PDXDC1: variants seen among roughly 807,000 people sequenced by gnomAD.
The protein encoded by PDXDC1 is pyridoxal-dependent decarboxylase domain-containing protein 1.
In PDXDC1, 42 loss-of-function variants were observed where a neutral mutation model predicts 100.1. The ratio of observed to expected loss-of-function variants is 0.42; its 90% CI spans 0.33 to 0.54. PDXDC1 has a LOEUF of 0.54. Among genes scored for constraint, PDXDC1 ranks in the 20% least tolerant of loss-of-function variants. The probability of loss-of-function intolerance (pLI) is 0.10; values close to 1 mark genes in which losing one functional copy is unlikely to be tolerated. For missense variants in PDXDC1, 636 were observed against 979.2 expected (o/e 0.65, Z 4.68); for synonymous variants, 260 against 371.7 (o/e 0.70, Z 3.46).
rs993072976 is a variant in PDXDC1 at position 15,094,366 on chromosome 16, T to G, written c.1400-44513T>G. ...AGCGGCCCCGCGTGGGGAGGGCGTATGCTCTCGGCGGGCTAGAGCGCCGCT... is the reference window on the plus strand; with the variant it reads ...AGCGGCCCCGCGTGGGGAGGGCGTAGGCTCTCGGCGGGCTAGAGCGCCGCT... On this transcript the variant is annotated intron_variant, in intron 16 of 16. Transcript: ENST00000535621. 21 of 811,664 alleles carry G rather than the reference T, an allele frequency of 2.6e-5. 1 individual carries two copies. Among genetic ancestry groups the G allele is most frequent in the Middle Eastern group, 3.5e-4 (1 of 2,860 alleles). 50.3% of individuals were successfully genotyped at this position (811,664 alleles called of 1,614,324 possible). A position where few individuals can be genotyped will look rare whatever the true frequency, so the allele number is the denominator to read the frequency against.
intron 16 of PDXDC1, chr16:15,133,055 G>T: frequency 2.8e-6 from 2 of 712,424 alleles, no homozygotes; most frequent in Non-Finnish European, 4.6e-6. Context: ...GCCCTCCTGG[G>T]CGGGGGCTGC....
intron 16 of PDXDC1, among the ~76,000 whole-genome samples, chr16:15,064,161 T>A (rs2044849508): frequency 6.6e-6 from 1 of 151,914 alleles, no homozygotes; most frequent in Non-Finnish European, 1.5e-5. Flanking sequence ...TCTAGATAAA[T>A]CGCTTTTTGT....
chr16:15,083,357 C>T (rs1269909032), intron 16 of PDXDC1, among the ~76,000 whole-genome samples: 1 of 151,982 alleles, frequency 6.6e-6, no homozygotes, highest in Admixed American at 6.6e-5. Context: ...CAAGATGACG[C>T]CATTGCACTC....
At chr16:15,140,836 G>A (rs67111616), downstream of PDXDC1, among the ~76,000 whole-genome samples, 5 of 152,004 alleles carry the variant, frequency 3.3e-5, no homozygotes, top group Non-Finnish European at 7.4e-5. Flanking sequence ...CACAGGGACT[G>A]TGGCTCCGCA....
chr16:15,077,368 G>C (rs1373587723), intron 16 of PDXDC1, among the ~76,000 whole-genome samples: 7 of 152,028 alleles, frequency 4.6e-5, no homozygotes, highest in Non-Finnish European at 1.0e-4. Context: ...CATAGGGTAG[G>C]TTTCCCCCAT....
intron 16 of PDXDC1, chr16:15,133,313 G>C (rs150678356): frequency 0.058 from 89,744 of 1,548,126 alleles, 5,692 homozygotes; most frequent in East Asian, 0.36. Flanking sequence ...GACGTGCTGG[G>C]GATCGGCCTG....
intron 6 of PDXDC1, 108 bp downstream of exon 6, chr16:15,006,691 A>C (rs2040809500): frequency 8.9e-7 from 1 of 1,120,804 alleles, no homozygotes; most frequent in African/African-American, 1.6e-5. Context: ...AGTGAAAAGA[A>C]AGATGGTCTT....
chr16:15,112,086 C>G (rs2047090370), intron 16 of PDXDC1, among the ~76,000 whole-genome samples: 3 of 148,020 alleles, frequency 2.0e-5, no homozygotes, highest in Non-Finnish European at 4.6e-5. Context: ...ACTGAATTCC[C>G]ACCAAATTTC....
intron 16 of PDXDC1, chr16:15,128,223 T>TTTG (rs1358975324): frequency 4.3e-6 from 7 of 1,611,026 alleles, no homozygotes; most frequent in African/African-American, 2.7e-5. Flanking sequence ...CGCACAGACC[T>TTTG]TTGTCGTGCC....
At position 15,036,553 on chromosome 16, in the gene PDXDC1, G is replaced by A. The variant is rs976900801; in HGVS notation, c.*278G>A. 9 of 478,150 alleles carry A rather than the reference G, an allele frequency of 1.9e-5. No homozygotes were observed. Among genetic ancestry groups the A allele is most frequent in the Non-Finnish European group, 3.3e-5 (9 of 269,356 alleles). 29.6% of individuals were successfully genotyped at this position (478,150 alleles called of 1,614,324 possible). On this transcript the variant is annotated 3_prime_UTR_variant, in exon 23 of 23. Transcript: ENST00000396410. ...TCACAAAAAACACTTCGAATTTCAA[G>A]TGTCTACCAGTAGCACCCTTGCTCT... is the stretch of plus-strand genomic sequence containing the variant.
chr16:14,986,609 G>A (rs1258355401), intron 1 of PDXDC1, among the ~76,000 whole-genome samples: 1 of 152,300 alleles, frequency 6.6e-6, no homozygotes, highest in African/African-American at 2.4e-5. Context: ...TTATACAACA[G>A]AATTAACTGT....
chr16:15,079,876 C>T (rs1446999289), intron 16 of PDXDC1: 18 of 1,157,812 alleles, frequency 1.6e-5, no homozygotes, highest in South Asian at 3.1e-5. Context: ...GGAATACAGG[C>T]GTGAGTCACC....
At chr16:15,011,797 G>C (rs1325585051) in intron 8 of PDXDC1, among the ~76,000 whole-genome samples, 1 of 152,230 alleles carries the variant, frequency 6.6e-6, no homozygotes, top group Non-Finnish European at 1.5e-5. Flanking sequence ...CCGAGTAGCT[G>C]GGATTACAGG....
chr16:15,148,947 G>A, the PDXDC1 span, among the ~76,000 whole-genome samples: 1 of 152,216 alleles, frequency 6.6e-6, no homozygotes, highest in Non-Finnish European at 1.5e-5. Context: ...TGGCGAGTTT[G>A]CATCCGTGTC....
At chr16:15,140,410 C>G (rs1283202772), downstream of PDXDC1, among the ~76,000 whole-genome samples, 1 of 142,392 alleles carries the variant, frequency 7.0e-6, no homozygotes, top group African/African-American at 2.6e-5. Flanking sequence ...CGCCCCTGCA[C>G]TCCAGCACCC....
intron 16 of PDXDC1, among the ~76,000 whole-genome samples, chr16:15,087,880 C>T (rs1174738653): frequency 6.6e-6 from 1 of 151,988 alleles, no homozygotes; most frequent in African/African-American, 2.4e-5. Flanking sequence ...TTTGGGAGGC[C>T]GAGGTGGGTG....
At chr16:15,071,084 T>G in intron 16 of PDXDC1, 1 of 1,554,860 alleles carries the variant, frequency 6.4e-7, no homozygotes, top group South Asian at 1.2e-5. Flanking sequence ...TTTTAAAGCA[T>G]GATATTAAAA....
Position 15,027,852 on chromosome 16 carries a change from C to G in PDXDC1, c.1205-1026C>G, listed in dbSNP as rs573320923. ...TGGTGGTGTGGTGGGCCAGCGTGGT[C>G]TTGGGAAATGCAACATTTGGGGGAA... On this transcript the variant is annotated intron_variant, in intron 14 of 22. Coordinates refer to ENST00000396410, the MANE Select transcript of PDXDC1 (RefSeq NM_015027.4). 2.0e-5 allele frequency among the ~76,000 whole-genome samples: 3 copies of G among 152,408 alleles called. No homozygotes were observed. The South Asian group carries it at 6.2e-4, about 32-fold the overall frequency.
chr16:15,126,744 C>T (rs1248091310), intron 16 of PDXDC1: 1 of 141,394 alleles, frequency 7.1e-6, no homozygotes, highest in Non-Finnish European at 1.5e-5. Context: ...GCAAGCTCCG[C>T]CTCCTGGGTT....
Sources: allele counts gnomAD v4.1 joint callset (sites outside exome capture counted in the v4.1 genomes callset), GRCh38; gene constraint gnomAD v4.1.1; transcripts MANE v1.5; gene names NCBI Gene and HGNC (gene_info 2026-07-23, HGNC 2026-07-21).